The following TRPM1 variants were observed in gnomAD, a reference collection of about 807,000 sequenced individuals.
TRPM1 encodes TRPM1-203 APA Isoform, Intron 10.
Under a neutral mutation model 149.4 loss-of-function variants are expected in TRPM1, and 113 were observed. The observed-to-expected ratio is 0.76, with a 90% confidence interval of 0.65 to 0.88. The LOEUF is 0.88. TRPM1 is among the 40% of genes least tolerant of loss of function. The pLI is 0.00. For synonymous variants in TRPM1, 741 were observed against 759.5 expected (o/e 0.98, Z 0.40); for missense variants, 1,976 against 2,038.7 (o/e 0.97, Z 0.59).
At chr15:31,154,511 C>A (rs191445067) in intron 1 of TRPM1, among the ~76,000 whole-genome samples, 1 of 152,222 alleles carries the variant, frequency 6.6e-6, no homozygotes, top group African/African-American at 2.4e-5. Context: ...AACCTCTAAG[C>A]TGTCCTTGAT....
chr15:31,062,452 G>T, intron 9 of TRPM1, 127 bp downstream of exon 9: 1 of 1,254,708 alleles, frequency 8.0e-7, no homozygotes, highest in Non-Finnish European at 1.1e-6. Context: ...GTATGCATTT[G>T]TACTGTCTCT....
chr15:31,028,484 A>G lies in TRPM1; in HGVS notation c.3149-8T>C, dbSNP rs769925005. On this transcript the variant is annotated splice_polypyrimidine_tract_variant and splice_region_variant and intron_variant, in intron 24 of 27. Transcript: ENST00000256552. Reference sequence around the variant, plus strand: ...GGTTCTCACCACAAGGAGCTGAAAGAAAAAAATAGTTTTGTCTTTGCTTTT... The same window carrying G: ...GGTTCTCACCACAAGGAGCTGAAAGGAAAAAATAGTTTTGTCTTTGCTTTT... 1 of 1,613,810 alleles carries G rather than the reference A, an allele frequency of 6.2e-7. No homozygotes were observed. Among genetic ancestry groups the G allele is most frequent in the African/African-American group, 1.3e-5 (1 of 74,916 alleles).
rs1448438768 is a variant in TRPM1, at chr15:31,040,179, T to C, written c.2255A>G (p.Gln752Arg). 5 of 1,614,210 alleles carry C rather than the reference T, an allele frequency of 3.1e-6. No homozygotes were observed. The highest frequency in any genetic ancestry group is 4.2e-6 in the Non-Finnish European group (5 of 1,180,026). ...CATCCACATATCGGTCAGCAGCATCTGGCTGCAGGTGTGAGCAATGAAGTC... is the reference window on the plus strand; with the variant it reads ...CATCCACATATCGGTCAGCAGCATCCGGCTGCAGGTGTGAGCAATGAAGTC... ...HRDFIAHTCS[Q>R]MLLTDMWMGR... Residue 752 changes from glutamine to arginine, a missense_variant, in exon 18 of 28, where the codon CAG (glutamine) becomes CGG (arginine). Gln to Arg is a conservative substitution (Grantham distance 43, BLOSUM62 1). Coordinates refer to ENST00000256552, the MANE Select transcript of TRPM1 (RefSeq NM_001252024.2). This position sits in a 1 kb window ranked among gnomAD's most constrained non-coding sequence, Gnocchi z 4.2.
intron 4 of TRPM1, chr15:31,069,764 A>G (rs550096698): frequency 1.4e-6 from 2 of 1,446,152 alleles, no homozygotes; most frequent in Non-Finnish European, 1.8e-6. Flanking sequence ...GTGTGTTTGC[A>G]GGGTTGGGCC....
At chr15:31,130,114 C>G (rs945729640) in intron 1 of TRPM1, among the ~76,000 whole-genome samples, 23 of 152,208 alleles carry the variant, frequency 1.5e-4, no homozygotes, top group African/African-American at 5.5e-4. Flanking sequence ...CCCTGAAACT[C>G]CTGGACACAT....
intron 27 of TRPM1, among the ~76,000 whole-genome samples, chr15:31,025,755 C>T (rs978434740): frequency 6.6e-6 from 1 of 152,122 alleles, no homozygotes; most frequent in Non-Finnish European, 1.5e-5. Flanking sequence ...GCAGCTAGGC[C>T]GGATGAGGAG....
chr15:31,088,515 T>G (rs182875880), intron 1 of TRPM1, among the ~76,000 whole-genome samples: 4 of 152,300 alleles, frequency 2.6e-5, no homozygotes, highest in African/African-American at 9.6e-5. Context: ...CGAGCAACTC[T>G]GGATGCGCCA....
chr15:31,044,647 G>T (rs2033713695), intron 16 of TRPM1, among the ~76,000 whole-genome samples: 1 of 151,944 alleles, frequency 6.6e-6, no homozygotes, highest in Non-Finnish European at 1.5e-5. Flanking sequence ...CTGGTATGGT[G>T]GCATGCACCT....
chr15:31,031,511 G>A (rs2033078739), intron 22 of TRPM1, among the ~76,000 whole-genome samples: 1 of 152,212 alleles, frequency 6.6e-6, no homozygotes, highest in Non-Finnish European at 1.5e-5. Context: ...AGGAGGAAGA[G>A]GAGCAGATAC....
chr15:31,061,405 T>C (rs1417090568), intron 10 of TRPM1, 37 bp downstream of exon 10: 1 of 1,603,816 alleles, frequency 6.2e-7, no homozygotes, highest in Non-Finnish European at 8.5e-7. Context: ...TAGGCCAACA[T>C]CAGAGGGACA....
intron 1 of TRPM1, among the ~76,000 whole-genome samples, chr15:31,154,093 T>A (rs568642173): frequency 1.3e-5 from 2 of 152,376 alleles, no homozygotes; most frequent in East Asian, 3.8e-4. Flanking sequence ...TTTAGCAGTT[T>A]GAAAGAATCA....
intron 1 of TRPM1, among the ~76,000 whole-genome samples, chr15:31,159,064 C>A (rs1199931453): frequency 2.0e-5 from 3 of 152,158 alleles, no homozygotes; most frequent in African/African-American, 7.2e-5. Context: ...CCTTTGACCC[C>A]ACCACAGCAT....
At chr15:31,088,767 A>C (rs2035096893) in intron 1 of TRPM1, among the ~76,000 whole-genome samples, 1 of 147,108 alleles carries the variant, frequency 6.8e-6, no homozygotes, top group Non-Finnish European at 1.5e-5. Context: ...GAACGTTCCC[A>C]ACCATGGTAT....
intron 27 of TRPM1, among the ~76,000 whole-genome samples, chr15:31,019,969 A>G (rs1473737730): frequency 6.6e-6 from 1 of 152,064 alleles, no homozygotes; most frequent in East Asian, 1.9e-4. Context: ...GCTCCCGGCC[A>G]AGACTCATGT....
At chr15:31,051,090 G>A (rs1326722853) in intron 11 of TRPM1, among the ~76,000 whole-genome samples, 2 of 152,188 alleles carry the variant, frequency 1.3e-5, no homozygotes, top group East Asian at 1.9e-4. Context: ...CTTATCGGCG[G>A]GTAAAGAAGC....
intron 1 of TRPM1, among the ~76,000 whole-genome samples, chr15:31,153,715 C>T (rs1432190539): frequency 1.3e-5 from 2 of 152,164 alleles, no homozygotes; most frequent in African/African-American, 4.8e-5. Flanking sequence ...CCCTCCCCGC[C>T]CTTCAAGATT....
At chr15:31,066,047 G>A (rs1172180931) in intron 7 of TRPM1, 29 bp downstream of exon 7, 1 of 1,610,364 alleles carries the variant, frequency 6.2e-7, no homozygotes, top group Non-Finnish European at 8.5e-7. Flanking sequence ...ATCAGCCCAG[G>A]AGGACTGCGT....
chr15:31,113,082 A>G (rs7170825), intron 1 of TRPM1, among the ~76,000 whole-genome samples: 141,401 of 152,210 alleles, frequency 0.93, 65,788 homozygotes, highest in East Asian at 1. Context: ...CTGACAGTAG[A>G]ACCCCTGTCC....
intron 11 of TRPM1, among the ~76,000 whole-genome samples, chr15:31,059,604 A>C (rs1414007027): frequency 2.0e-5 from 3 of 151,982 alleles, no homozygotes; most frequent in African/African-American, 7.3e-5. Context: ...ATGGTGTCTC[A>C]CTATGTTGAC....
Sources: gnomAD v4.1 joint callset for allele counts (sites outside exome capture counted in the v4.1 genomes callset) on GRCh38, gnomAD v4.1.1 for gene constraint, Gnocchi (gnomAD v3.1) non-coding constraint, MANE v1.5 for transcripts, NCBI Gene and HGNC (gene_info 2026-07-23, HGNC 2026-07-21) for gene names.